The following KY variants were observed in gnomAD, a reference collection of about 807,000 sequenced individuals.
KY encodes the protein kyphoscoliosis peptidase.
A neutral mutation model predicts 76.1 loss-of-function variants in KY; 43 were observed. The observed-to-expected ratio is 0.57, with a 90% CI of 0.44 to 0.73. The LOEUF (loss-of-function observed/expected upper bound fraction) is 0.73, where lower values mean the gene tolerates loss of function less well. Ranked by LOEUF, KY falls within the 30% of genes least tolerant of loss-of-function variation. KY has a pLI of 0.00. For synonymous variants in KY, 277 were observed against 326.2 expected, an observed-to-expected ratio of 0.85 and a Z score of 1.63; for missense variants, 722 against 828.9, an observed-to-expected ratio of 0.87 and a Z score of 1.58.
intron 10 of KY, chr3:134,607,899 C>G: frequency 1.0e-6 from 1 of 991,434 alleles, no homozygotes; most frequent in Non-Finnish European, 1.2e-6. Context: ...GCTTGGCCCT[C>G]ATCCAGGGGT....
chr3:134,634,151 T>G (rs530829577), intron 3 of KY, among the ~76,000 whole-genome samples: 1 of 152,336 alleles, frequency 6.6e-6, no homozygotes, highest in Admixed American at 6.5e-5. Flanking sequence ...GTTTATGGAT[T>G]GGAAGACTTA....
rs754765897 is a variant in KY at position 134,610,288 on chromosome 3, C to T, written c.806G>A (p.Trp269Ter). The T allele has an allele frequency of 1.2e-6, 2 of 1,613,880 alleles. No homozygotes were observed. The highest frequency in any genetic ancestry group is 3.3e-5 in the Admixed American group (2 of 60,006). The change falls in exon 9 of 11, where the codon TGG (tryptophan) becomes TAG (stop). Residue 269 changes from tryptophan (W) to a stop codon, truncating the protein, a stop_gained. Transcript: ENST00000423778. LOFTEE classifies it high-confidence loss of function. ...TCTTCCCTCCAGGTACACAGCATTC[C>T]AGGCATGGTCAAACTCCCCCGAGAA... ...QSFSGEFDHA[W>*]NAVYLEGRWH...
chr3:134,623,712 C>T (rs1963014666), intron 6 of KY, among the ~76,000 whole-genome samples: 1 of 152,126 alleles, frequency 6.6e-6, no homozygotes, highest in East Asian at 1.9e-4. Flanking sequence ...CTGTGCACTG[C>T]CCCTCTGGAG....
intron 3 of KY, among the ~76,000 whole-genome samples, chr3:134,638,661 T>C (rs1965306071): frequency 6.6e-6 from 1 of 152,226 alleles, no homozygotes; most frequent in Non-Finnish European, 1.5e-5. Context: ...CCCTGCCTTC[T>C]CAGAAACAGA....
At position 134,600,154 on chromosome 3, in the gene KY, T is replaced by C. The variant is rs1414543709; in HGVS notation, c.*3425A>G. Among the ~76,000 whole-genome samples the C allele has an allele frequency of 6.6e-6, 1 of 152,222 alleles. No homozygotes were observed. Among genetic ancestry groups the C allele is most frequent in the African/African-American group, 2.4e-5 (1 of 41,460 alleles). ...CGAAAATTTTGCCAATAGCAAATGA[T>C]GTAGTGATGCTGTTAACCCTCTGTT... On this transcript the variant is annotated 3_prime_UTR_variant, in exon 11 of 11. Coordinates refer to ENST00000423778, the MANE Select transcript of KY (RefSeq NM_178554.6).
At chr3:134,636,912 T>C (rs754146499) in intron 3 of KY, among the ~76,000 whole-genome samples, 7 of 152,362 alleles carry the variant, frequency 4.6e-5, no homozygotes, top group Non-Finnish European at 8.8e-5. Flanking sequence ...TTGGCTATTT[T>C]CCTATTGAAG....
intron 1 of KY, among the ~76,000 whole-genome samples, chr3:134,648,114 C>T (rs535674497): frequency 1.3e-5 from 2 of 152,328 alleles, no homozygotes; most frequent in South Asian, 2.1e-4. Flanking sequence ...AGGTCGAGTT[C>T]CTGGCACAGC....
intron 4 of KY, 41 bp downstream of exon 4, chr3:134,629,580 C>A (rs773341081): frequency 2.0e-6 from 3 of 1,509,558 alleles, no homozygotes; most frequent in Non-Finnish European, 1.8e-6. Context: ...CTTCAATCCT[C>A]TCTGCCAGCC....
At chr3:134,609,387 G>A (rs1031354528) in intron 9 of KY, among the ~76,000 whole-genome samples, 1 of 152,212 alleles carries the variant, frequency 6.6e-6, no homozygotes, top group African/African-American at 2.4e-5. Flanking sequence ...AAGAGGAGCA[G>A]TGTTGAGAAT....
At chr3:134,644,391 C>T (rs996937208) in intron 2 of KY, among the ~76,000 whole-genome samples, 11 of 152,220 alleles carry the variant, frequency 7.2e-5, no homozygotes, top group African/African-American at 2.4e-4. Flanking sequence ...CTTGCCCTCC[C>T]AGGGGAAGCA....
In KY at chr3:134,620,724, C is replaced by G. The variant is rs759689905; in HGVS notation, c.592+25G>C. On this transcript the variant is annotated intron_variant, in intron 7 of 10. Coordinates refer to ENST00000423778, the MANE Select transcript of KY (RefSeq NM_178554.6). Reference sequence around the variant, plus strand: ...GGAATGGAAGCAAGGGATTCTAGAGCCAGAAATTCCACAGGGGGGCCTACC... The same window carrying G: ...GGAATGGAAGCAAGGGATTCTAGAGGCAGAAATTCCACAGGGGGGCCTACC... 24 of 1,551,856 alleles carry G rather than the reference C, an allele frequency of 1.5e-5. No homozygotes were observed. In the South Asian group the frequency reaches 2.6e-4, roughly 17 times the overall value.
At chr3:134,639,173 A>G (rs1965397871) in intron 3 of KY, among the ~76,000 whole-genome samples, 1 of 151,694 alleles carries the variant, frequency 6.6e-6, no homozygotes, top group Non-Finnish European at 1.5e-5. Flanking sequence ...TAGATATTCA[A>G]CAGAGACATG....
chr3:134,625,434 A>G (rs1253077718), intron 5 of KY, among the ~76,000 whole-genome samples: 1 of 152,262 alleles, frequency 6.6e-6, no homozygotes, highest in African/African-American at 2.4e-5. Flanking sequence ...TTAACCCAGT[A>G]GTTCCCAGAC....
chr3:134,602,490 C>A lies in KY; in HGVS notation c.*1089G>T, dbSNP rs1959011971. On this transcript the variant is annotated 3_prime_UTR_variant, in exon 11 of 11. Transcript: ENST00000423778. ...GACAGGCACAAAAGCTGCTCTCGTG[C>A]AGCTGGAATTCTTCCCAGCCCTGGC... Among the ~76,000 whole-genome samples the A allele has an allele frequency of 6.6e-6, 1 of 152,198 alleles. No homozygotes were observed.
At chr3:134,623,100 G>A (rs1293434474) in intron 6 of KY, among the ~76,000 whole-genome samples, 5 of 152,232 alleles carry the variant, frequency 3.3e-5, no homozygotes, top group Admixed American at 3.3e-4. Context: ...CTGCACTGCA[G>A]CCTGGAGTCC....
intron 6 of KY, among the ~76,000 whole-genome samples, chr3:134,623,242 G>A (rs1354123640): frequency 6.6e-6 from 1 of 152,162 alleles, no homozygotes; most frequent in Non-Finnish European, 1.5e-5. Flanking sequence ...TGGCTTCCTG[G>A]CACTGTTCTC....
chr3:134,649,965 C>G (rs888077451), intron 1 of KY, among the ~76,000 whole-genome samples: 2 of 152,180 alleles, frequency 1.3e-5, no homozygotes, highest in African/African-American at 4.8e-5. Flanking sequence ...AGAACTGGCC[C>G]GCAGTCCGCC....
chr3:134,622,417 A>G (rs1962788301), intron 6 of KY, among the ~76,000 whole-genome samples: 1 of 152,264 alleles, frequency 6.6e-6, no homozygotes, highest in Non-Finnish European at 1.5e-5. Flanking sequence ...ATGCTACGAC[A>G]TGGATGAACC....
rs1962142939 is a variant in KY at position 134,619,246 on chromosome 3, A to C, written c.612T>G (p.Ala204=). Residue 204 remains alanine, a synonymous_variant, in exon 8 of 11, where the codon GCT becomes GCG. Coordinates refer to ENST00000423778, the MANE Select transcript of KY (RefSeq NM_178554.6). The stretch of plus-strand genomic sequence containing the variant: ...TGAAGGCTTGGCGGTCCTTCTCCTG[A>C]GCAGCTGCAATGTCATACTCTATAG... ...CHHIEYDIAA[A]QEKDRQAFKP... The C allele has an allele frequency of 1.2e-6, 2 of 1,613,828 alleles. No homozygotes were observed. Among genetic ancestry groups the C allele is most frequent in the Non-Finnish European group, 1.7e-6 (2 of 1,179,798 alleles).
Sources: gnomAD v4.1 joint callset for allele counts (sites outside exome capture counted in the v4.1 genomes callset) on GRCh38, gnomAD v4.1.1 for gene constraint, MANE v1.5 for transcripts, NCBI Gene and HGNC (gene_info 2026-07-23, HGNC 2026-07-21) for gene names.